KALRN: variants seen among roughly 807,000 people sequenced by gnomAD.
KALRN encodes kalirin RhoGEF kinase.
In KALRN, 70 loss-of-function variants were observed where a neutral mutation model predicts 353.7. The ratio of observed to expected loss-of-function variants is 0.20; its 90% CI spans 0.16 to 0.24. The LOEUF is 0.24. Among genes scored for constraint, KALRN ranks in the 10% least tolerant of loss-of-function variants. The pLI is 1.00. For missense variants in KALRN, 2,791 were observed against 3,756.7 expected (o/e 0.74, Z 6.72); for synonymous variants, 1,391 against 1,434.8 (o/e 0.97, Z 0.69).
chr3:124,063,547 G>A (rs1020266566), intron 1 of KALRN, among the ~76,000 whole-genome samples: 2 of 152,138 alleles, frequency 1.3e-5, no homozygotes, highest in African/African-American at 4.8e-5. Context: ...AAACATTCTC[G>A]GCCAGTTGGC....
intron 19 of KALRN, 114 bp from the exon 20 acceptor site, chr3:124,446,047 G>A: frequency 1.6e-6 from 1 of 632,658 alleles, no homozygotes; most frequent in Non-Finnish European, 2.8e-6. Context: ...TAGTCTCATG[G>A]GGATGCTTGA....
At chr3:124,531,297 A>C (rs924867377) in intron 33 of KALRN, among the ~76,000 whole-genome samples, 2 of 152,268 alleles carry the variant, frequency 1.3e-5, no homozygotes, top group African/African-American at 4.8e-5. Context: ...CATACTTGCA[A>C]ATAATTTACA....
intron 1 of KALRN, among the ~76,000 whole-genome samples, chr3:124,070,503 A>G (rs1329054130): frequency 6.6e-6 from 1 of 152,196 alleles, no homozygotes; most frequent in Non-Finnish European, 1.5e-5. Context: ...CCTGTGGGGA[A>G]GAGATCTTCT....
At position 124,441,430 on chromosome 3, in the gene KALRN, G is replaced by A. The variant is rs942575700; in HGVS notation, c.3199-515G>A. ...ACTTGAAAAAAGGAAAGCTCAGAAG[G>A]GTGAGCTCCATAAATTGGAATTGGA... On this transcript the variant is annotated intron_variant, in intron 18 of 59. Coordinates refer to ENST00000682506, the MANE Select transcript of KALRN (RefSeq NM_001388419.1). 2.0e-5 allele frequency among the ~76,000 whole-genome samples: 3 copies of A among 152,110 alleles called. 1 individual carries two copies. The highest frequency in any genetic ancestry group is 4.4e-5 in the Non-Finnish European group (3 of 68,040).
At chr3:124,280,330 T>A (rs1452254918) in intron 5 of KALRN, among the ~76,000 whole-genome samples, 35 of 152,124 alleles carry the variant, frequency 2.3e-4, no homozygotes, top group Non-Finnish European at 2.9e-5. Flanking sequence ...GAATCTACCC[T>A]CCTGTAGTTA....
chr3:124,656,974 C>T (rs1008449383), intron 39 of KALRN, among the ~76,000 whole-genome samples: 1 of 152,180 alleles, frequency 6.6e-6, no homozygotes, highest in African/African-American at 2.4e-5. Context: ...AGTCATCATC[C>T]AACACCCAGG....
intron 1 of KALRN, among the ~76,000 whole-genome samples, chr3:124,101,899 C>T (rs1438668481): frequency 1.3e-5 from 2 of 152,120 alleles, no homozygotes; most frequent in Admixed American, 6.5e-5. Flanking sequence ...TTACCCTGTT[C>T]TTGTTAACTA....
At chr3:124,231,039 C>T (rs1475757022) in intron 2 of KALRN, among the ~76,000 whole-genome samples, 1 of 152,214 alleles carries the variant, frequency 6.6e-6, no homozygotes, top group African/African-American at 2.4e-5. Context: ...AGCAGAGAAA[C>T]AGGCTGTTTG....
At chr3:124,094,969 A>G (rs975339697) in intron 1 of KALRN, 31 of 1,446,876 alleles carry the variant, frequency 2.1e-5, no homozygotes, top group Middle Eastern at 1.7e-4. Flanking sequence ...AGAGACATAA[A>G]GAGACATGCA....
chr3:124,443,093 A>T (rs922057873), intron 19 of KALRN, among the ~76,000 whole-genome samples: 27 of 152,256 alleles, frequency 1.8e-4, no homozygotes, highest in Admixed American at 6.5e-5. Flanking sequence ...TAAAATTTAG[A>T]TAAGTGCTAT....
chr3:124,068,613 C>A (rs2042574875), intron 1 of KALRN, among the ~76,000 whole-genome samples: 1 of 152,188 alleles, frequency 6.6e-6, no homozygotes, highest in South Asian at 2.1e-4. Context: ...CCCTCTTCCC[C>A]ATCTGCCTTC....
intron 33 of KALRN, among the ~76,000 whole-genome samples, chr3:124,500,276 A>G (rs1023308205): frequency 2.0e-5 from 3 of 152,190 alleles, no homozygotes; most frequent in South Asian, 2.1e-4. Context: ...TCTAGCATGT[A>G]TTGAATACAA....
At chr3:124,115,166 T>G (rs2063344199) in intron 1 of KALRN, among the ~76,000 whole-genome samples, 1 of 152,118 alleles carries the variant, frequency 6.6e-6, no homozygotes, top group South Asian at 2.1e-4. Flanking sequence ...ATAGTCTTTA[T>G]GTGGTGGATG....
intron 38 of KALRN, among the ~76,000 whole-genome samples, chr3:124,655,222 C>T (rs118035279): frequency 6.6e-6 from 1 of 152,222 alleles, no homozygotes. Flanking sequence ...TTAACCCCTG[C>T]CCAGCCTCAA....
chr3:124,491,480 G>T (rs1471270689), intron 31 of KALRN, 56 bp downstream of exon 31: 1 of 1,310,914 alleles, frequency 7.6e-7, no homozygotes, highest in Non-Finnish European at 1.0e-6. Flanking sequence ...AGAAGTGGGG[G>T]TGGGCAAGTG....
chr3:124,179,914 G>A (rs1323814952), intron 1 of KALRN, among the ~76,000 whole-genome samples: 2 of 152,274 alleles, frequency 1.3e-5, no homozygotes, highest in East Asian at 1.9e-4. Flanking sequence ...AACTGAAATC[G>A]CAGAAAGTGT....
At chr3:124,405,778 G>A (rs1485744020) in intron 13 of KALRN, among the ~76,000 whole-genome samples, 1 of 151,530 alleles carries the variant, frequency 6.6e-6, no homozygotes, top group Non-Finnish European at 1.5e-5. Flanking sequence ...TGAGTAGCTG[G>A]GACTACAGGT....
intron 27 of KALRN, among the ~76,000 whole-genome samples, chr3:124,480,031 A>G (rs554683792): frequency 1.3e-5 from 2 of 152,264 alleles, no homozygotes; most frequent in Non-Finnish European, 2.9e-5. Context: ...CCGATCCAGA[A>G]TGTTTGACCC....
chr3:124,327,104 G>A (rs943403358), intron 7 of KALRN, among the ~76,000 whole-genome samples: 3 of 152,138 alleles, frequency 2.0e-5, no homozygotes, highest in African/African-American at 7.2e-5. Context: ...ATTATCAGAT[G>A]CTACAAACCA....
Sources: allele counts gnomAD v4.1 joint callset (sites outside exome capture counted in the v4.1 genomes callset), GRCh38; gene constraint gnomAD v4.1.1; transcripts MANE v1.5; gene names NCBI Gene and HGNC (gene_info 2026-07-23, HGNC 2026-07-21).